Variants in PTPRD observed in about 807,000 individuals in gnomAD.
The protein encoded by PTPRD is protein tyrosine phosphatase receptor type D.
Under a neutral mutation model 214.5 loss-of-function variants are expected in PTPRD, and 34 were observed. The observed-to-expected ratio is 0.16, with a 90% CI of 0.12 to 0.21. The LOEUF is 0.21. PTPRD is among the 10% of genes least tolerant of loss of function. PTPRD has a pLI of 1.00. For missense variants in PTPRD, 2,545 were observed against 2,398.7 expected (o/e 1.06, Z -1.27); for synonymous variants, 1,128 against 845.7 (o/e 1.33, Z -5.79).
intron 44 of PTPRD, among the ~76,000 whole-genome samples, chr9:8,328,287 G>A (rs1363989742): frequency 2.6e-5 from 4 of 152,110 alleles, no homozygotes; most frequent in African/African-American, 9.7e-5. Flanking sequence ...AGCTTAGTTT[G>A]GCTGGATATG....
At chr9:8,339,616 T>G (rs1295553458) in intron 42 of PTPRD, among the ~76,000 whole-genome samples, 1 of 152,122 alleles carries the variant, frequency 6.6e-6, no homozygotes, top group African/African-American at 2.4e-5. Flanking sequence ...CGTCTGATAT[T>G]CTTTTTGTTC....
intron 3 of PTPRD, among the ~76,000 whole-genome samples, chr9:10,279,450 C>A (rs1317221724): frequency 6.6e-6 from 1 of 152,094 alleles, no homozygotes. Context: ...TGAATGATTT[C>A]TTGGTCTTTC....
Position 8,507,326 on chromosome 9 carries a change from T to C in PTPRD, c.1652A>G (p.Tyr551Cys), listed in dbSNP as rs1274572732. The C allele has an allele frequency of 1.2e-6, 2 of 1,613,970 alleles. No individual in the cohort carries two copies. The highest frequency in any genetic ancestry group is 2.2e-5 in the South Asian group (2 of 91,078). The part of the protein sequence containing the change: ...SDTIANYELV[Y>C]KDGEHGEEQR... ...CTCCTCTCCATGCTCCCCATCTTTG[T>C]AGACCAGTTCATAGTTGGCAATGGT... Residue 551 changes from tyrosine (Y) to cysteine (C), a missense_variant, in exon 22 of 46, where the codon TAC (tyrosine) becomes TGC (cysteine). Coordinates refer to ENST00000381196, the MANE Select transcript of PTPRD (RefSeq NM_002839.4).
At chr9:8,418,080 T>C (rs1205379854) in intron 35 of PTPRD, among the ~76,000 whole-genome samples, 2 of 152,188 alleles carry the variant, frequency 1.3e-5, no homozygotes, top group Non-Finnish European at 2.9e-5. Context: ...AATATAAATA[T>C]TGGATTGGCT....
chr9:10,242,887 G>A (rs982372650), intron 3 of PTPRD, among the ~76,000 whole-genome samples: 1 of 141,162 alleles, frequency 7.1e-6, no homozygotes, highest in Non-Finnish European at 1.6e-5. Context: ...AGCAGAAAAT[G>A]AAAATTGCTG....
chr9:9,510,274 G>C (rs1642598342), intron 8 of PTPRD, among the ~76,000 whole-genome samples: 1 of 151,208 alleles, frequency 6.6e-6, no homozygotes, highest in Non-Finnish European at 1.5e-5. Context: ...GAACTACTTA[G>C]AATAGTATCT....
At chr9:10,250,410 C>A (rs1443124744) in intron 3 of PTPRD, among the ~76,000 whole-genome samples, 2 of 152,040 alleles carry the variant, frequency 1.3e-5, no homozygotes, top group Admixed American at 6.6e-5. Context: ...GTACTGGAAC[C>A]AAATTTCGCA....
intron 12 of PTPRD, among the ~76,000 whole-genome samples, chr9:8,718,863 T>C (rs1057357272): frequency 6.6e-6 from 1 of 152,176 alleles, no homozygotes; most frequent in Non-Finnish European, 1.5e-5. Flanking sequence ...TGGAGCGTAG[T>C]GTTATTTCCG....
At chr9:9,664,125 GAGA>G (rs2096670930) in intron 7 of PTPRD, among the ~76,000 whole-genome samples, 2 of 147,350 alleles carry the variant, frequency 1.4e-5, no homozygotes, top group East Asian at 2.0e-4. Context: ...TGACTCTAGG[GAGA>G]AGAAGAGCTA....
intron 11 of PTPRD, among the ~76,000 whole-genome samples, chr9:8,977,665 A>AC (rs2099275702): frequency 7.1e-6 from 1 of 141,610 alleles, no homozygotes; most frequent in South Asian, 2.3e-4. Flanking sequence ...AACAAGGAGA[A>AC]TTTTTTTTTT....
At chr9:9,745,631 C>A (rs2098449806) in intron 6 of PTPRD, among the ~76,000 whole-genome samples, 1 of 152,118 alleles carries the variant, frequency 6.6e-6, no homozygotes, top group African/African-American at 2.4e-5. Context: ...TCTGAAGATT[C>A]TGAACTCAAG....
In PTPRD at chr9:9,616,700, T is replaced by C. The variant is rs1001919592; in HGVS notation, c.-286-41919A>G. ...AAGAAAACAGATAGAAACTGGACCT[T>C]TTCTAGAAAACTCACGAATTATCCA... is the stretch of plus-strand genomic sequence containing the variant. On this transcript the variant is annotated intron_variant, in intron 7 of 45. Transcript: ENST00000381196. Among the ~76,000 whole-genome samples, 29 of 152,224 alleles carry C rather than the reference T, an allele frequency of 1.9e-4. 1 individual carries two copies. The highest frequency in any genetic ancestry group is 6.7e-4 in the African/African-American group (28 of 41,514).
At chr9:9,595,583 C>CAT (rs200872071) in intron 7 of PTPRD, among the ~76,000 whole-genome samples, 1,571 of 147,708 alleles carry the variant, frequency 0.011, 27 homozygotes, top group African/African-American at 0.037. Context: ...TGTGTATATA[C>CAT]ATATATATAT....
At chr9:8,494,088 T>C (rs1033511215) in intron 26 of PTPRD, among the ~76,000 whole-genome samples, 3 of 151,850 alleles carry the variant, frequency 2.0e-5, no homozygotes, top group Non-Finnish European at 2.9e-5. Context: ...TGTTTTCAAA[T>C]TGAATATGGA....
At chr9:8,351,539 G>C (rs10815830) in intron 39 of PTPRD, among the ~76,000 whole-genome samples, 69,251 of 151,428 alleles carry the variant, frequency 0.46, 19,442 homozygotes, top group Non-Finnish European at 0.63. Flanking sequence ...CAAAGACACA[G>C]AGAGAAAAGA....
intron 6 of PTPRD, among the ~76,000 whole-genome samples, chr9:9,750,870 A>G (rs1416448677): frequency 6.6e-6 from 1 of 151,942 alleles, no homozygotes; most frequent in Non-Finnish European, 1.5e-5. Flanking sequence ...GCCCTATTCC[A>G]TTTCTGTGTA....
chr9:8,968,640 G>A (rs187139411), intron 11 of PTPRD, among the ~76,000 whole-genome samples: 81 of 152,198 alleles, frequency 5.3e-4, no homozygotes, highest in African/African-American at 1.7e-3. Context: ...CAAAGGAAAA[G>A]TTATTTAAAG....
chr9:8,540,952 G>C (rs1189000070), intron 14 of PTPRD, among the ~76,000 whole-genome samples: 2 of 152,126 alleles, frequency 1.3e-5, no homozygotes, highest in African/African-American at 4.8e-5. Context: ...GGAGAAAATT[G>C]ATTCTGAAAA....
chr9:9,951,755 C>T (rs1273225083), intron 4 of PTPRD, among the ~76,000 whole-genome samples: 2 of 152,142 alleles, frequency 1.3e-5, no homozygotes, highest in African/African-American at 2.4e-5. Context: ...CAGGAGGAAA[C>T]AGATTATACA....
Sources: gnomAD v4.1 joint callset for allele counts (sites outside exome capture counted in the v4.1 genomes callset) on GRCh38, gnomAD v4.1.1 for gene constraint, MANE v1.5 for transcripts, NCBI Gene and HGNC (gene_info 2026-07-23, HGNC 2026-07-21) for gene names.